Variants in PITRM1 observed in about 807,000 individuals in gnomAD.
PITRM1 encodes presequence protease, mitochondrial.
In PITRM1, 100 loss-of-function variants were observed where a neutral mutation model predicts 129.9. That is an observed-to-expected ratio of 0.77 (90% CI 0.65 to 0.91). PITRM1 has a LOEUF of 0.91. Among genes scored for constraint, PITRM1 ranks in the 40% least tolerant of loss-of-function variants. The probability of loss-of-function intolerance (pLI) is 0.00; values close to 1 mark genes in which losing one functional copy is unlikely to be tolerated. For synonymous variants in PITRM1, 591 were observed against 508.8 expected (o/e 1.16, Z -2.17); for missense variants, 1,471 against 1,318.3 (o/e 1.12, Z -1.79).
At position 3,147,883 on chromosome 10, in the gene PITRM1, T is replaced by C. The variant is rs546329610; in HGVS notation, c.2069+104A>G. Reference sequence around the variant, plus strand: ...ATGAACTACAAGTAAAAGTCAGACTTGGAAAACAACAACACACACGAGTAA... The same window carrying C: ...ATGAACTACAAGTAAAAGTCAGACTCGGAAAACAACAACACACACGAGTAA... On this transcript the variant is annotated intron_variant, in intron 18 of 26. Coordinates refer to ENST00000224949, the MANE Select transcript of PITRM1 (RefSeq NM_014889.4). The C allele has an allele frequency of 6.2e-4, 746 of 1,204,002 alleles. 1 individual carries two copies. Among genetic ancestry groups the C allele is most frequent in the Non-Finnish European group, 8.6e-4 (714 of 832,826 alleles). 74.6% of individuals were successfully genotyped at this position (1,204,002 alleles called of 1,614,324 possible). A position where few individuals can be genotyped will look rare whatever the true frequency, so the allele number is the denominator to read the frequency against.
Position 3,138,005 on chromosome 10 carries a change from C to A in PITRM1, c.*26G>T, listed in dbSNP as rs1193665403. On this transcript the variant is annotated 3_prime_UTR_variant, in exon 27 of 27. Transcript: ENST00000224949. ...GCTCGGAGGTGTATTGTCTCGGGCT[C>A]CTGTGCAGTCGAGCGCCACGGCTGC... 67 of 1,389,554 alleles carry A rather than the reference C, an allele frequency of 4.8e-5. No individual in the cohort carries two copies. Among genetic ancestry groups the A allele is most frequent in the Non-Finnish European group, 6.7e-5 (66 of 987,626 alleles). The allele number at this position is 1,389,554 out of a possible 1,614,324, so 86.1% of individuals were successfully genotyped here. A position where few individuals can be genotyped will look rare whatever the true frequency, so the allele number is the denominator to read the frequency against.
intron 20 of PITRM1, chr10:3,146,881 G>T: frequency 3.9e-6 from 1 of 256,470 alleles, no homozygotes; most frequent in Non-Finnish European, 7.5e-6. Context: ...CCTCAGTTAC[G>T]GACCATGTGC....
At position 3,163,802 on chromosome 10, in the gene PITRM1, G is replaced by A. The variant is rs368634934; in HGVS notation, c.714C>T (p.Asp238=). The part of the protein sequence containing the change: ...DHTYSVVSGG[D]PLCIPELTWE... The stretch of plus-strand genomic sequence containing the variant: ...ATGTAAGCTCCGGGATGCACAGTGG[G>A]TCACCCCCGGAGACCACTGAGTACG... Residue 238 remains aspartate (D), a synonymous_variant, in exon 7 of 27, where the codon GAC becomes GAT. Transcript: ENST00000224949. 9.2e-5 allele frequency: 149 copies of A among 1,613,034 alleles called. No homozygotes were observed. Among genetic ancestry groups the A allele is most frequent in the Middle Eastern group, 1.6e-4 (1 of 6,066 alleles).
chr10:3,168,641 G>A lies in PITRM1; in HGVS notation c.159+1463C>T, dbSNP rs150339666. 1.7e-4 allele frequency among the ~76,000 whole-genome samples: 26 copies of A among 152,180 alleles called. No homozygotes were observed. The East Asian group carries it at 3.5e-3, about 20-fold the overall frequency. On this transcript the variant is annotated intron_variant, in intron 2 of 26. Coordinates refer to ENST00000224949, the MANE Select transcript of PITRM1 (RefSeq NM_014889.4). ...TGAGCACGTTCTCATGAGAGCTGAC[G>A]GTTTTATAAGGGGCTTCCCCCTTCA... is the stretch of plus-strand genomic sequence containing the variant.
chr10:3,171,147 TAAAAAAAAAAAAA>T (rs1169315061), intron 1 of PITRM1, among the ~76,000 whole-genome samples: 15 of 49,202 alleles, frequency 3.0e-4, no homozygotes, highest in East Asian at 1.5e-3. Flanking sequence ...ATCGTTCAAT[TAAAAAAAAAAAAA>T]AAAAAAAAAA....
intron 7 of PITRM1, chr10:3,163,162 T>C (rs994842926): frequency 9.3e-5 from 14 of 150,542 alleles, no homozygotes; most frequent in African/African-American, 3.2e-4. Context: ...TTCATAATTA[T>C]TTTTACATAA....
chr10:3,151,304 T>C lies in PITRM1; in HGVS notation c.1681A>G (p.Lys561Glu). 1 of 1,611,394 alleles carries C rather than the reference T, an allele frequency of 6.2e-7. No individual in the cohort carries two copies. The highest frequency in any genetic ancestry group is 8.5e-7 in the Non-Finnish European group (1 of 1,178,870). The change falls in exon 15 of 27, where the codon AAA (lysine) becomes GAA (glutamate). Residue 561 changes from lysine to glutamate, a missense_variant. Transcript: ENST00000224949. ...ATGGTGGGTTCAATATCGGAAACTT[T>C]CAACGCTGGCAGACAAGAGGCATCT... Reference protein sequence around the residue: ...PQDASCLPALKVSDIEPTIPV... With the variant: ...PQDASCLPALEVSDIEPTIPV...
intron 14 of PITRM1, 92 bp downstream of exon 14, chr10:3,155,499 A>G: frequency 6.6e-7 from 1 of 1,515,728 alleles, no homozygotes; most frequent in Non-Finnish European, 9.0e-7. Flanking sequence ...GTTGGTTGAA[A>G]TAATACCTGC....
Position 3,147,859 on chromosome 10 carries a change from T to A in PITRM1, c.2070-122A>T, listed in dbSNP as rs1259614004. On this transcript the variant is annotated intron_variant, in intron 18 of 26. Coordinates refer to ENST00000224949, the MANE Select transcript of PITRM1 (RefSeq NM_014889.4). ...ACCAAAGAAATTTTATAAGTCCATA[T>A]GAACTACAAGTAAAAGTCAGACTTG... is the stretch of plus-strand genomic sequence containing the variant. 1.1e-5 allele frequency: 13 copies of A among 1,172,532 alleles called. No individual in the cohort carries two copies. The East Asian group carries it at 2.4e-4, about 22-fold the overall frequency. The allele number at this position is 1,172,532 out of a possible 1,614,324, so 72.6% of individuals were successfully genotyped here. A position where few individuals can be genotyped will look rare whatever the true frequency, so the allele number is the denominator to read the frequency against.
At chr10:3,159,149 C>T in intron 9 of PITRM1, 107 bp from the exon 10 acceptor site, 4 of 1,027,112 alleles carry the variant, frequency 3.9e-6, no homozygotes, top group Non-Finnish European at 4.2e-6. Context: ...TCTAGAAATT[C>T]TTGCATTTCA....
At chr10:3,166,812 G>T (rs1162927000) in intron 3 of PITRM1, 124 bp downstream of exon 3, 1 of 584,536 alleles carries the variant, frequency 1.7e-6, no homozygotes. Context: ...TAGTGTTAGT[G>T]TATTTTATGC....
intron 1 of PITRM1, among the ~76,000 whole-genome samples, chr10:3,170,652 C>G (rs1019993129): frequency 6.6e-6 from 1 of 152,158 alleles, no homozygotes; most frequent in Non-Finnish European, 1.5e-5. Context: ...TACACTGCTA[C>G]AGGGAGTACA....
chr10:3,161,369 T>G (rs561164848), intron 7 of PITRM1, among the ~76,000 whole-genome samples: 26 of 152,380 alleles, frequency 1.7e-4, no homozygotes, highest in Middle Eastern at 3.4e-3. Flanking sequence ...ATAACACATT[T>G]ATTCAACCAG....
intron 7 of PITRM1, chr10:3,163,478 C>A (rs1842615846): frequency 3.3e-6 from 1 of 300,786 alleles, no homozygotes; most frequent in Non-Finnish European, 6.2e-6. Flanking sequence ...GGGGCCAGGA[C>A]CCTCCTCTGG....
chr10:3,138,620 ATGCCCGGGCCG>A, intron 25 of PITRM1: 1 of 605,440 alleles, frequency 1.7e-6, no homozygotes, highest in South Asian at 2.0e-5. Context: ...TAACGTGGCC[ATGCCCGGGCCG>A]TGCCCACGTC....
rs1252917653 is a variant in PITRM1, at chr10:3,170,144, T to C, written c.119A>G (p.Tyr40Cys). Reference protein sequence around the residue: ...SNRACERALQYKLGDKIHGFT... With the variant: ...SNRACERALQCKLGDKIHGFT... ...TCCATGGATCTTGTCTCCTAGTTTA[T>C]ACTGCAGAGCCCTCTCACAAGCCCG... Residue 40 changes from tyrosine (Y) to cysteine (C), a missense_variant, in exon 2 of 27, where the codon TAT becomes TGT. Tyr to Cys is a radical substitution (Grantham distance 194). Coordinates refer to ENST00000224949, the MANE Select transcript of PITRM1 (RefSeq NM_014889.4). 1.9e-6 allele frequency: 3 copies of C among 1,613,978 alleles called. No homozygotes were observed. The highest frequency in any genetic ancestry group is 4.5e-5 in the East Asian group (2 of 44,894).
chr10:3,138,374 C>A (rs1413040681), intron 25 of PITRM1, 37 bp from the exon 26 acceptor site: 6 of 1,453,940 alleles, frequency 4.1e-6, no homozygotes, highest in Non-Finnish European at 5.8e-6. Context: ...GAGCCGCTGC[C>A]CGGGAGCTCG....
chr10:3,143,302 C>T, intron 23 of PITRM1, 87 bp downstream of exon 23: 1 of 830,428 alleles, frequency 1.2e-6, no homozygotes, highest in Non-Finnish European at 2.0e-6. Flanking sequence ...TTTTCCTGTG[C>T]TAAAACACGC....
Position 3,138,261 on chromosome 10 carries a change from G to A in PITRM1, c.2994C>T (p.His998=), listed in dbSNP as rs370317886. 130 of 1,613,288 alleles carry A rather than the reference G, an allele frequency of 8.1e-5. No homozygotes were observed. Among genetic ancestry groups the A allele is most frequent in the Admixed American group, 1.8e-4 (11 of 59,998 alleles). The change falls in exon 26 of 27, where the codon CAC becomes CAT. Residue 998 remains histidine (H), a synonymous_variant. Transcript: ENST00000224949. ...AHREQLFAVS[H]DKLLAVSDRY... is the part of the protein sequence containing the mutation. ...TATCGCTCACGGCCAGGAGCTTGTC[G>A]TGGCTGACAGCAAAGAGCTGCTCTC...
Sources: allele counts gnomAD v4.1 joint callset (sites outside exome capture counted in the v4.1 genomes callset), GRCh38; gene constraint gnomAD v4.1.1; transcripts MANE v1.5; gene names NCBI Gene and HGNC (gene_info 2026-07-23, HGNC 2026-07-21).